Variants in RAD51B observed in about 807,000 individuals in gnomAD.
RAD51B encodes DNA repair protein RAD51 homolog 2.
Under a neutral mutation model 42.2 loss-of-function variants are expected in RAD51B, and 38 were observed. The ratio of observed to expected loss-of-function variants is 0.90; its 90% CI spans 0.70 to 1.18. RAD51B has a LOEUF of 1.18. RAD51B is among the 50% of genes most tolerant of loss of function. The pLI is 0.00. For missense variants in RAD51B, 373 were observed against 400.7 expected, an observed-to-expected ratio of 0.93 and a Z score of 0.59; for synonymous variants, 154 against 145.2, an observed-to-expected ratio of 1.06 and a Z score of -0.43.
intron 8 of RAD51B, among the ~76,000 whole-genome samples, chr14:68,293,800 T>G (rs1388000630): frequency 6.6e-6 from 1 of 152,234 alleles, no homozygotes; most frequent in Non-Finnish European, 1.5e-5. Context: ...CTTTTCATGT[T>G]TTTCTGCCTA....
chr14:68,021,491 G>T (rs1258133305), intron 7 of RAD51B, among the ~76,000 whole-genome samples: 1 of 152,168 alleles, frequency 6.6e-6, no homozygotes, highest in Admixed American at 6.5e-5. Flanking sequence ...GCCACTTTTA[G>T]AACGTCATTT....
chr14:68,606,774 C>A lies in RAD51B; in HGVS notation c.1037-4232C>A, dbSNP rs543534569. Among the ~76,000 whole-genome samples, 84 of 152,260 alleles carry A rather than the reference C, an allele frequency of 5.5e-4. 2 individuals carry two copies. The South Asian group carries it at 0.017, about 30-fold the overall frequency. On this transcript the variant is annotated intron_variant, in intron 10 of 10. Coordinates refer to the RAD51B transcript ENST00000487861. ...TGACACAGTTTGTTATTAACTGAGT[C>A]GGAACTGTACCTCAGGACCCACCTT...
At chr14:68,196,231 G>T (rs1595537530) in intron 7 of RAD51B, among the ~76,000 whole-genome samples, 1 of 150,952 alleles carries the variant, frequency 6.6e-6, no homozygotes, top group African/African-American at 2.4e-5. Flanking sequence ...TCGCTTTCTT[G>T]CTGGGCATGA....
chr14:68,481,922 A>G (rs1883209851), downstream of RAD51B, among the ~76,000 whole-genome samples: 1 of 152,214 alleles, frequency 6.6e-6, no homozygotes, highest in Non-Finnish European at 1.5e-5. Flanking sequence ...TGCTCAGAAT[A>G]TAGTAGAGGT....
chr14:67,850,423 A>T (rs2041766394), intron 4 of RAD51B, among the ~76,000 whole-genome samples: 1 of 151,278 alleles, frequency 6.6e-6, no homozygotes, highest in Admixed American at 6.6e-5. Flanking sequence ...GAGTATGTCG[A>T]GTAGGGTCTT....
chr14:68,197,445 G>A (rs2079395615), intron 7 of RAD51B, among the ~76,000 whole-genome samples: 1 of 152,088 alleles, frequency 6.6e-6, no homozygotes, highest in Non-Finnish European at 1.5e-5. Context: ...GGATAGATAT[G>A]TGGGTAATTT....
intron 8 of RAD51B, among the ~76,000 whole-genome samples, chr14:68,384,788 A>G (rs2083557967): frequency 6.6e-6 from 1 of 152,232 alleles, no homozygotes; most frequent in Non-Finnish European, 1.5e-5. Flanking sequence ...ATGTAAAATA[A>G]CAAGAATTCA....
chr14:68,087,261 A>C (rs1183398377), intron 7 of RAD51B, among the ~76,000 whole-genome samples: 1 of 152,126 alleles, frequency 6.6e-6, no homozygotes, highest in Non-Finnish European at 1.5e-5. Context: ...TAGCTGGCAT[A>C]TACCAGAATT....
At chr14:68,540,880 A>T in intron 10 of RAD51B, 1 of 985,462 alleles carries the variant, frequency 1.0e-6, no homozygotes, top group Non-Finnish European at 1.2e-6. Context: ...GTAGGGAAGA[A>T]GGTTGAGTTG....
chr14:68,110,841 T>G (rs1274943450), intron 7 of RAD51B, among the ~76,000 whole-genome samples: 1 of 152,026 alleles, frequency 6.6e-6, no homozygotes, highest in African/African-American at 2.4e-5. Context: ...AGAACTCAGC[T>G]TCCTTTACAA....
chr14:68,251,378 G>T (rs2080630422), intron 7 of RAD51B, among the ~76,000 whole-genome samples: 1 of 152,094 alleles, frequency 6.6e-6, no homozygotes, highest in African/African-American at 2.4e-5. Context: ...AGCCAAGCGT[G>T]TGTTTTTTTT....
At chr14:68,158,321 G>A (rs1595486686) in intron 7 of RAD51B, among the ~76,000 whole-genome samples, 1 of 152,180 alleles carries the variant, frequency 6.6e-6, no homozygotes, top group East Asian at 1.9e-4. Flanking sequence ...GACCCAAATG[G>A]TATAATTCTT....
At chr14:68,043,914 G>C (rs1461496997) in intron 7 of RAD51B, among the ~76,000 whole-genome samples, 2 of 152,188 alleles carry the variant, frequency 1.3e-5, no homozygotes. Context: ...TTGCAGAAAA[G>C]GTTGTAAAAG....
intron 5 of RAD51B, among the ~76,000 whole-genome samples, chr14:67,865,788 T>C (rs1049638876): frequency 3.3e-5 from 5 of 152,174 alleles, no homozygotes; most frequent in African/African-American, 4.8e-5. Flanking sequence ...TCCGCCTGCC[T>C]TGGCCTCCCA....
rs568971925 is a variant in RAD51B at position 67,824,704 on chromosome 14, A to C, written c.85-760A>C. Among the ~76,000 whole-genome samples the C allele has an allele frequency of 4.4e-4, 67 of 152,182 alleles. 1 individual carries two copies. The highest frequency in any genetic ancestry group is 1.6e-3 in the African/African-American group (66 of 41,520). Reference sequence around the variant, plus strand: ...CTCGGAAACATTCTTAAAAGTATGAAATTTGTTATTTCATCCTATAGTCAG... The same window carrying C: ...CTCGGAAACATTCTTAAAAGTATGACATTTGTTATTTCATCCTATAGTCAG... On this transcript the variant is annotated intron_variant, in intron 2 of 10. Coordinates refer to ENST00000471583, the MANE Select transcript of RAD51B (RefSeq NM_133510.4).
chr14:68,652,468 G>A (rs1892722444), intron 11 of RAD51B, among the ~76,000 whole-genome samples: 2 of 152,212 alleles, frequency 1.3e-5, no homozygotes, highest in African/African-American at 4.8e-5. Flanking sequence ...CTGTGGGAAA[G>A]GGATCCCGTC....
chr14:68,344,766 T>C (rs2082641231), intron 8 of RAD51B, among the ~76,000 whole-genome samples: 1 of 151,536 alleles, frequency 6.6e-6, no homozygotes, highest in South Asian at 2.1e-4. Context: ...GCCAACATGA[T>C]GAAACCCAGT....
Position 68,248,026 on chromosome 14 carries a change from A to G in RAD51B, c.757-43858A>G, listed in dbSNP as rs2080536796. Among the ~76,000 whole-genome samples, 5 of 152,206 alleles carry G rather than the reference A, an allele frequency of 3.3e-5. No individual in the cohort carries two copies. In the South Asian group the frequency reaches 1.0e-3, roughly 32 times the overall value. On this transcript the variant is annotated intron_variant, in intron 7 of 10. Transcript: ENST00000471583. ...TGTACAGCTGTTTTCCAGAACACCA[A>G]ATCGAAGCTCAGAGATATTGCACAA...
chr14:68,372,310 A>T (rs987839744), intron 8 of RAD51B, among the ~76,000 whole-genome samples: 1 of 152,184 alleles, frequency 6.6e-6, no homozygotes, highest in Non-Finnish European at 1.5e-5. Flanking sequence ...TTCACTACAA[A>T]TGGAAACAGT....
Sources: gnomAD v4.1 joint callset for allele counts (sites outside exome capture counted in the v4.1 genomes callset) on GRCh38, gnomAD v4.1.1 for gene constraint, MANE v1.5 for transcripts, NCBI Gene and HGNC (gene_info 2026-07-23, HGNC 2026-07-21) for gene names.